The following CAMSAP1 variants were observed in gnomAD, a reference collection of about 807,000 sequenced individuals.
CAMSAP1 encodes calmodulin-regulated spectrin-associated protein 1.
Under a neutral mutation model 143.5 loss-of-function variants are expected in CAMSAP1, and 58 were observed. That is an observed-to-expected ratio of 0.40 (90% CI 0.33 to 0.50). The LOEUF (loss-of-function observed/expected upper bound fraction) is 0.50. Ranked by LOEUF, CAMSAP1 falls within the 20% of genes least tolerant of loss-of-function variation. CAMSAP1 has a pLI of 0.45. For synonymous variants in CAMSAP1, 945 were observed against 859.3 expected (o/e 1.10, Z -1.74); for missense variants, 1,969 against 2,115.7 (o/e 0.93, Z 1.36).
intron 5 of CAMSAP1, among the ~76,000 whole-genome samples, chr9:135,857,473 T>C (rs1837020191): frequency 6.6e-6 from 1 of 152,176 alleles, no homozygotes; most frequent in Non-Finnish European, 1.5e-5. Context: ...CCAACAGCTG[T>C]TCTGAGTCTG....
chr9:135,819,594 G>A (rs1835369216), intron 11 of CAMSAP1, among the ~76,000 whole-genome samples: 1 of 151,354 alleles, frequency 6.6e-6, no homozygotes, highest in Non-Finnish European at 1.5e-5. Context: ...AGCACTTTGG[G>A]AGGCCAAGGA....
At chr9:135,903,238 T>A (rs1226098878) in intron 1 of CAMSAP1, among the ~76,000 whole-genome samples, 1 of 152,216 alleles carries the variant, frequency 6.6e-6, no homozygotes, top group African/African-American at 2.4e-5. Flanking sequence ...CAACTTTCAC[T>A]CAAACATCAC....
chr9:135,837,236 A>G (rs1192014099), intron 7 of CAMSAP1, among the ~76,000 whole-genome samples: 5 of 143,020 alleles, frequency 3.5e-5, no homozygotes, highest in African/African-American at 1.3e-4. Flanking sequence ...CTACAGACAC[A>G]CATCATGCAC....
intron 5 of CAMSAP1, among the ~76,000 whole-genome samples, chr9:135,859,393 T>TTTTGTTTG (rs565354422): frequency 3.3e-5 from 5 of 152,162 alleles, no homozygotes; most frequent in African/African-American, 9.7e-5. Flanking sequence ...AACTCTGCCA[T>TTTTGTTTG]TTTGTTTGTT....
At position 135,815,932 on chromosome 9, in the gene CAMSAP1, C is replaced by T. The variant is rs764159651; in HGVS notation, c.4345G>A (p.Ala1449Thr). Reference protein sequence around the residue: ...SRSTDRDWETASAASSLASVA... With the variant: ...SRSTDRDWETTSAASSLASVA... ...GAGGCCAGGGAAGATGCCGCCGACG[C>T]GGTCTCCCAGTCTCGGTCTGTGCTC... is the stretch of plus-strand genomic sequence containing the variant. Residue 1449 changes from alanine to threonine, a missense_variant, in exon 15 of 17, where the codon GCG becomes ACG. Transcript: ENST00000389532. 12 of 1,613,792 alleles carry T rather than the reference C, an allele frequency of 7.4e-6. No individual in the cohort carries two copies. Among genetic ancestry groups the T allele is most frequent in the East Asian group, 4.5e-5 (2 of 44,884 alleles).
In CAMSAP1 at chr9:135,883,087, G is replaced by A. The variant is rs1254207947; in HGVS notation, c.161-9C>T. On this transcript the variant is annotated splice_polypyrimidine_tract_variant and intron_variant, in intron 1 of 16. Coordinates refer to ENST00000389532, the MANE Select transcript of CAMSAP1 (RefSeq NM_015447.4). ...GTCCTCAGGGATGTTATCTAAGACA[G>A]GGAGGGGATGACCAGGTGAGTGCCA... The A allele has an allele frequency of 1.3e-6, 2 of 1,551,260 alleles. No homozygotes were observed. The highest frequency in any genetic ancestry group is 1.7e-6 in the Non-Finnish European group (2 of 1,146,830).
chr9:135,836,561 A>G (rs935140383), intron 7 of CAMSAP1: 34 of 982,844 alleles, frequency 3.5e-5, no homozygotes, highest in South Asian at 4.7e-5. Flanking sequence ...CCCGTTCTAC[A>G]GACACACATC....
chr9:135,904,998 T>C (rs1201030028), intron 1 of CAMSAP1, among the ~76,000 whole-genome samples: 1 of 150,288 alleles, frequency 6.7e-6, no homozygotes, highest in Admixed American at 6.6e-5. Flanking sequence ...CCAGACCTCC[T>C]AAAATCGGAG....
intron 4 of CAMSAP1, chr9:135,865,123 G>A (rs1037604541): frequency 8.8e-6 from 5 of 567,448 alleles, no homozygotes; most frequent in East Asian, 5.9e-5. Context: ...TGGGCGAAAT[G>A]TAACTTAAGA....
rs1489993042 is a variant in CAMSAP1 at position 135,862,597 on chromosome 9, T to A, written c.678A>T (p.Arg226=). 1.9e-5 allele frequency: 29 copies of A among 1,551,620 alleles called. No individual in the cohort carries two copies. Among genetic ancestry groups the A allele is most frequent in the Non-Finnish European group, 2.4e-5 (28 of 1,147,020 alleles). Residue 226 remains arginine (R), a synonymous_variant, in exon 5 of 17, where the codon CGA becomes CGT. Coordinates refer to ENST00000389532, the MANE Select transcript of CAMSAP1 (RefSeq NM_015447.4). ...ESPAHQKVRY[R]REHLSARQSP... is the part of the protein sequence containing the mutation. ...ACTGCCTAGCAGAAAGGTGCTCTCGTCGATAGCGGACCTGTAGTTGATAAA... is the reference window on the plus strand; with the variant it reads ...ACTGCCTAGCAGAAAGGTGCTCTCGACGATAGCGGACCTGTAGTTGATAAA...
In CAMSAP1 at chr9:135,881,737, T is replaced by C; in HGVS notation, c.481A>G (p.Ser161Gly). 6.4e-7 allele frequency: 1 copy of C among 1,551,910 alleles called. No individual in the cohort carries two copies. ...ACACTGGCCACCACCTTCTCGATGC[T>C]GATCATCTCCACAGTGTAGGCCATC... is the stretch of plus-strand genomic sequence containing the variant. ...LMMAYTVEMISIEKVVASVKR... is the reference protein window; with the variant it reads ...LMMAYTVEMIGIEKVVASVKR... Residue 161 changes from serine (S) to glycine (G), a missense_variant, in exon 3 of 17, where the codon AGC (serine) becomes GGC (glycine). Ser to Gly is a moderately conservative substitution (Grantham distance 56). This residue lies in a region of CAMSAP1 where 221 missense variants were observed against 298.2 expected (regional missense o/e 0.74). Coordinates refer to ENST00000389532, the MANE Select transcript of CAMSAP1 (RefSeq NM_015447.4).
chr9:135,833,371 G>A (rs891652340), intron 7 of CAMSAP1, among the ~76,000 whole-genome samples: 7 of 152,098 alleles, frequency 4.6e-5, no homozygotes, highest in Non-Finnish European at 8.8e-5. Context: ...GTGAGCCACC[G>A]CGCCCGGCCA....
rs372760403 is a variant in CAMSAP1 at position 135,821,386 on chromosome 9, C to T, written c.3275G>A (p.Arg1092Gln). ...TGVAGHRKAP[R>Q]LGQGRNSRSG... ...ACGGGAATTCCGGCCTTGACCCAGCCGGGGGGCTTTGCGGTGGCCAGCCAC... is the reference window on the plus strand; with the variant it reads ...ACGGGAATTCCGGCCTTGACCCAGCTGGGGGGCTTTGCGGTGGCCAGCCAC... Residue 1092 changes from arginine to glutamine, a missense_variant, in exon 11 of 17, where the codon CGG (arginine) becomes CAG (glutamine). Around this residue, in one of 4 missense-constraint regions of CAMSAP1, gnomAD observed 1,390 missense variants for 1,420.8 expected, o/e 0.98. Coordinates refer to ENST00000389532, the MANE Select transcript of CAMSAP1 (RefSeq NM_015447.4). The surrounding 1 kb of genome is among the most constrained non-coding windows in gnomAD (Gnocchi z 4.6). 60 of 1,613,632 alleles carry T rather than the reference C, an allele frequency of 3.7e-5. No homozygotes were observed. The highest frequency in any genetic ancestry group is 1.3e-4 in the East Asian group (6 of 44,874).
In CAMSAP1 at chr9:135,816,024, AAG is replaced by A. The variant is rs755989405; in HGVS notation, c.4272-21_4272-20del. 2.9e-5 allele frequency: 46 copies of A among 1,610,206 alleles called. No individual in the cohort carries two copies. Among genetic ancestry groups the A allele is most frequent in the African/African-American group, 4.0e-5 (3 of 74,862 alleles). On this transcript the variant is annotated intron_variant, in intron 14 of 16. Transcript: ENST00000389532. ...TTCCACTCTGCAGGCAGAAACAGAC[AAG>A]AGACAGGCAGGTGAAGCGCTGGCTT...
intron 15 of CAMSAP1, 71 bp from the exon 16 acceptor site, chr9:135,815,286 C>A: frequency 9.9e-7 from 1 of 1,008,890 alleles, no homozygotes; most frequent in South Asian, 1.6e-5. Flanking sequence ...AGAAAACCAG[C>A]AATGTCTTAG....
chr9:135,817,281 C>T (rs1048914536), intron 14 of CAMSAP1, among the ~76,000 whole-genome samples: 3 of 152,184 alleles, frequency 2.0e-5, no homozygotes, highest in African/African-American at 7.2e-5. Flanking sequence ...GAAAGTGCTG[C>T]CTTGGTAACT....
Position 135,822,450 on chromosome 9 carries a change from A to C in CAMSAP1, c.2211T>G (p.Asp737Glu). ...CTATGTCCACCACATCCGAGTCAGA[A>C]TCCTGCCTGAGGAGAGTCCACGGCT... ...DSEPWTLLRQ[D>E]SDSDVVDIEE... Residue 737 changes from aspartate (D) to glutamate (E), a missense_variant, in exon 11 of 17, where the codon GAT (aspartate) becomes GAG (glutamate). Transcript: ENST00000389532. The surrounding 1 kb of genome is among the most constrained non-coding windows in gnomAD (Gnocchi z 6.1). The C allele has an allele frequency of 6.2e-7, 1 of 1,613,728 alleles. No individual in the cohort carries two copies. Among genetic ancestry groups the C allele is most frequent in the Non-Finnish European group, 8.5e-7 (1 of 1,179,894 alleles).
intron 1 of CAMSAP1, among the ~76,000 whole-genome samples, chr9:135,892,848 C>CAAAAAAAAAAAAAAAAAA (rs59978082): frequency 0.033 from 1,398 of 41,796 alleles, 212 homozygotes; most frequent in Non-Finnish European, 0.042. Context: ...AAGACTGTCT[C>CAAAAAAAAAAAAAAAAAA]AAAAAAAAAA....
Position 135,822,253 on chromosome 9 carries a change from C to T in CAMSAP1, c.2408G>A (p.Ser803Asn). The T allele has an allele frequency of 6.2e-7, 1 of 1,614,000 alleles. No individual in the cohort carries two copies. The highest frequency in any genetic ancestry group is 8.5e-7 in the Non-Finnish European group (1 of 1,179,898). The change falls in exon 11 of 17, where the codon AGC becomes AAC. Residue 803 changes from serine (S) to asparagine (N), a missense_variant. Coordinates refer to ENST00000389532, the MANE Select transcript of CAMSAP1 (RefSeq NM_015447.4). This position sits in a 1 kb window ranked among gnomAD's most constrained non-coding sequence, Gnocchi z 6.1. ...SPCLSTASQM[S>N]SVSMASGSVK... Reference sequence around the variant, plus strand: ...GCTCCCACTCGCCATGGAGACACTGCTCATCTGAGAGGCTGTGCTCAGGCA... The same window carrying T: ...GCTCCCACTCGCCATGGAGACACTGTTCATCTGAGAGGCTGTGCTCAGGCA...
Sources: allele counts gnomAD v4.1 joint callset (sites outside exome capture counted in the v4.1 genomes callset), GRCh38; gene constraint gnomAD v4.1.1; regional missense constraint gnomAD v4.1.1; non-coding constraint Gnocchi (gnomAD v3.1); transcripts MANE v1.5; gene names NCBI Gene and HGNC (gene_info 2026-07-23, HGNC 2026-07-21).